Variants in CPQ observed in about 807,000 individuals in gnomAD.
CPQ encodes Ser-Met dipeptidase.
A neutral mutation model predicts 45.7 loss-of-function variants in CPQ; 37 were observed. The observed-to-expected ratio is 0.81, with a 90% confidence interval of 0.62 to 1.07. The LOEUF (loss-of-function observed/expected upper bound fraction) is 1.07, where lower values mean the gene tolerates loss of function less well. Ranked by LOEUF, CPQ falls within the 50% of genes least tolerant of loss-of-function variation. The pLI is 0.00. For synonymous variants in CPQ, 186 were observed against 205.8 expected (o/e 0.90, Z 0.82); for missense variants, 537 against 572.9 (o/e 0.94, Z 0.64).
intron 1 of CPQ, chr8:96,761,054 A>G (rs1810398617): frequency 6.6e-6 from 1 of 152,200 alleles, no homozygotes. Flanking sequence ...CTTCATAGGG[A>G]ATAAGCATCT....
chr8:96,759,071 T>C (rs1202076552), intron 1 of CPQ, among the ~76,000 whole-genome samples: 2 of 152,208 alleles, frequency 1.3e-5, no homozygotes, highest in Non-Finnish European at 2.9e-5. Flanking sequence ...ACGTCTTCTA[T>C]GGAGTTCTCA....
At chr8:96,997,453 A>T (rs1809196983) in intron 5 of CPQ, among the ~76,000 whole-genome samples, 1 of 152,056 alleles carries the variant, frequency 6.6e-6, no homozygotes, top group African/African-American at 2.4e-5. Flanking sequence ...CTTAGAAATT[A>T]ACAAAATATT....
chr8:96,702,766 C>T (rs553787163), intron 1 of CPQ, among the ~76,000 whole-genome samples: 1 of 152,284 alleles, frequency 6.6e-6, no homozygotes, highest in South Asian at 2.1e-4. Flanking sequence ...TCCTGTCCCT[C>T]CCTCCCCTTT....
At chr8:97,043,237 G>A (rs1348522186) in intron 6 of CPQ, among the ~76,000 whole-genome samples, 6 of 151,986 alleles carry the variant, frequency 3.9e-5, no homozygotes, top group Non-Finnish European at 7.4e-5. Context: ...TTACCATTAT[G>A]TAATGGCCTT....
At chr8:96,796,080 A>G (rs1033761553) in intron 2 of CPQ, among the ~76,000 whole-genome samples, 2 of 152,074 alleles carry the variant, frequency 1.3e-5, no homozygotes, top group African/African-American at 4.8e-5. Flanking sequence ...TATTCTTGAT[A>G]TATTTTGTTA....
intron 4 of CPQ, among the ~76,000 whole-genome samples, chr8:96,924,152 AG>A (rs1812843214): frequency 6.6e-6 from 1 of 152,106 alleles, no homozygotes; most frequent in Non-Finnish European, 1.5e-5. Flanking sequence ...GTGGATGCAG[AG>A]GTTTTGGTTG....
At chr8:96,653,139 G>A (rs1009841791) in intron 1 of CPQ, among the ~76,000 whole-genome samples, 1 of 152,138 alleles carries the variant, frequency 6.6e-6, no homozygotes, top group East Asian at 1.9e-4. Context: ...ATGTTGCCCA[G>A]ACTGGTCTCA....
At chr8:97,011,660 G>A (rs996399276) in intron 5 of CPQ, among the ~76,000 whole-genome samples, 1 of 152,136 alleles carries the variant, frequency 6.6e-6, no homozygotes, top group Admixed American at 6.5e-5. Context: ...CTACCTCTCA[G>A]TTTTATTATT....
intron 6 of CPQ, among the ~76,000 whole-genome samples, chr8:97,038,297 G>A (rs1045289339): frequency 2.0e-4 from 30 of 152,332 alleles, no homozygotes; most frequent in Middle Eastern, 3.4e-3. Flanking sequence ...TCCTGAAACC[G>A]TGAAGAATGG....
chr8:97,074,246 T>G (rs748543864), intron 7 of CPQ, among the ~76,000 whole-genome samples: 8 of 152,244 alleles, frequency 5.3e-5, no homozygotes, highest in Non-Finnish European at 1.2e-4. Context: ...TTCTTGTTCA[T>G]ATACCCACGA....
intron 1 of CPQ, among the ~76,000 whole-genome samples, chr8:96,719,177 T>C (rs1809728183): frequency 1.3e-5 from 2 of 152,094 alleles, no homozygotes; most frequent in African/African-American, 2.4e-5. Context: ...CAGGAGCCCA[T>C]GGAGGGGGTG....
chr8:96,827,889 G>GT (rs879862353), intron 2 of CPQ, among the ~76,000 whole-genome samples: 2 of 151,774 alleles, frequency 1.3e-5, no homozygotes, highest in Non-Finnish European at 2.9e-5. Flanking sequence ...TAAATACCCT[G>GT]TTTTTTCAAA....
chr8:96,964,237 G>A (rs1406843028), intron 4 of CPQ, among the ~76,000 whole-genome samples: 3 of 148,262 alleles, frequency 2.0e-5, no homozygotes, highest in Non-Finnish European at 4.4e-5. Context: ...GATATATAAC[G>A]AGGAGTAGCA....
intron 7 of CPQ, among the ~76,000 whole-genome samples, chr8:97,097,111 G>A (rs1811222181): frequency 6.6e-6 from 1 of 152,192 alleles, no homozygotes; most frequent in East Asian, 1.9e-4. Context: ...CAGTGAACTT[G>A]ACCTTGACCC....
At chr8:96,825,194 T>C (rs1340583704) in intron 2 of CPQ, among the ~76,000 whole-genome samples, 1 of 152,004 alleles carries the variant, frequency 6.6e-6, no homozygotes, top group Admixed American at 6.6e-5. Flanking sequence ...AACTCATGAA[T>C]CTTTAAAAGA....
chr8:96,722,619 G>C (rs1329791381), intron 1 of CPQ, among the ~76,000 whole-genome samples: 2 of 152,180 alleles, frequency 1.3e-5, no homozygotes, highest in Admixed American at 6.5e-5. Context: ...AAGTATGCTA[G>C]AGTATATGTT....
chr8:96,755,116 A>G (rs963190599), intron 1 of CPQ, among the ~76,000 whole-genome samples: 1 of 151,972 alleles, frequency 6.6e-6, no homozygotes, highest in Non-Finnish European at 1.5e-5. Context: ...ATTCTTGATT[A>G]GTAATGAAAA....
intron 6 of CPQ, among the ~76,000 whole-genome samples, chr8:97,039,065 G>A (rs1383670744): frequency 1.3e-5 from 2 of 152,142 alleles, no homozygotes; most frequent in African/African-American, 4.8e-5. Flanking sequence ...CAAGGTTGCA[G>A]TTGTTTCCCT....
chr8:97,068,878 T>G (rs927775553), intron 7 of CPQ, among the ~76,000 whole-genome samples: 1 of 152,190 alleles, frequency 6.6e-6, no homozygotes, highest in Non-Finnish European at 1.5e-5. Context: ...CATTTTGGCT[T>G]CAAGGCTGGT....
Sources: gnomAD v4.1 joint callset for allele counts (sites outside exome capture counted in the v4.1 genomes callset) on GRCh38, gnomAD v4.1.1 for gene constraint, MANE v1.5 for transcripts, NCBI Gene and HGNC (gene_info 2026-07-23, HGNC 2026-07-21) for gene names.